ARMCX4: variants seen among roughly 807,000 people sequenced by gnomAD.
ARMCX4 encodes armadillo repeat containing X-linked 4, also known as armadillo repeat-containing X-linked protein 4.
In ARMCX4, 3 loss-of-function variants were observed where a neutral mutation model predicts 34.7. The ratio of observed to expected loss-of-function variants is 0.09; its 90% CI spans 0.04 to 0.22. The LOEUF (loss-of-function observed/expected upper bound fraction) is 0.22. Among genes scored for constraint, ARMCX4 ranks in the 10% least tolerant of loss-of-function variants. The probability of loss-of-function intolerance (pLI) is 1.00; values close to 1 mark genes in which losing one functional copy is unlikely to be tolerated. For missense variants in ARMCX4, 1,448 were observed against 1,720.8 expected (o/e 0.84, Z 2.81); for synonymous variants, 513 against 632.8 (o/e 0.81, Z 2.84).
rs1556008463 is a variant in ARMCX4 at position 101,490,466 on chromosome X, A to T, written c.1877A>T (p.Asp626Val). 10 of 1,151,505 alleles carry T rather than the reference A, an allele frequency of 8.7e-6. No individual in the cohort carries two copies. The South Asian group carries it at 1.7e-4, about 20-fold the overall frequency. 94.9% of individuals were successfully genotyped at this position (1,151,505 alleles called of 1,213,427 possible). A position where few individuals can be genotyped will look rare whatever the true frequency, so the allele number is the denominator to read the frequency against. ...GTGGGGGCTGGAGAAGGTACAACAG[A>T]CTCTGCCCAGCCTGAGGCAGTGGTC... The part of the protein sequence containing the change: ...LKVGAGEGTT[D>V]SAQPEAVVSF... The change falls in exon 6 of 6, where the codon GAC (aspartate) becomes GTC (valine). Residue 626 changes from aspartate (D) to valine (V), a missense_variant. Asp to Val is a radical substitution (Grantham distance 152). Coordinates refer to ENST00000423738, the MANE Select transcript of ARMCX4 (RefSeq NM_001256155.3).
chrX:101,524,829 G>A (rs1197427529), intron 11 of ARMCX4, among the ~76,000 whole-genome samples: 4 of 111,874 alleles, frequency 3.6e-5, no homozygotes, highest in Admixed American at 9.4e-5. Flanking sequence ...ACAGCTCAAC[G>A]AGACCTGCCT....
At chrX:101,531,767 A>G (rs781857183) in exon 12 of ARMCX4, 1 of 112,070 alleles carries the variant, frequency 8.9e-6, no homozygotes, top group East Asian at 2.8e-4. Context: ...ATGAGCCTTT[A>G]TAAGACACCA....
chrX:101,477,550 A>G (rs1399279187), intron 4 of ARMCX4, among the ~76,000 whole-genome samples: 1 of 108,738 alleles, frequency 9.2e-6, no homozygotes, highest in African/African-American at 3.3e-5. Context: ...TTCTTCCCCA[A>G]GCCTTTAAGG....
intron 2 of ARMCX4, among the ~76,000 whole-genome samples, chrX:101,440,317 T>C (rs1165177559): frequency 8.9e-6 from 1 of 111,759 alleles, no homozygotes; most frequent in Non-Finnish European, 1.9e-5. Flanking sequence ...CAAATGCTGC[T>C]GCCTGATCGT....
intron 4 of ARMCX4, among the ~76,000 whole-genome samples, chrX:101,474,946 G>A (rs1345768369): frequency 1.0e-5 from 1 of 99,206 alleles, no homozygotes; most frequent in Non-Finnish European, 2.0e-5. Context: ...CATAGTGTTG[G>A]AAGTTCTGGC....
chrX:101,448,091 G>A (rs1202825443), downstream of ARMCX4, among the ~76,000 whole-genome samples: 1 of 111,404 alleles, frequency 9.0e-6, no homozygotes, highest in East Asian at 2.8e-4. Flanking sequence ...GAGAACATGC[G>A]ATATTTGTTT....
At position 101,494,618 on chromosome X, in the gene ARMCX4, C is replaced by T. The variant is rs1934135497; in HGVS notation, c.6029C>T (p.Pro2010Leu). The T allele has an allele frequency of 3.5e-6, 4 of 1,155,581 alleles. No homozygotes were observed. The South Asian group carries it at 7.6e-5, about 22-fold the overall frequency. The change falls in exon 6 of 6, where the codon CCA (proline) becomes CTA (leucine). Residue 2010 changes from proline to leucine, a missense_variant. Physicochemically the swap from Pro to Leu is moderately conservative, Grantham distance 98 (BLOSUM62 -3). Transcript: ENST00000423738. ...KFAHQSEASF[P>L]VEDESRKQTR... ...GCACACCAAAGTGAGGCCAGCTTCC[C>T]AGTTGAAGATGAGTCCAGAAAACAA...
chrX:101,482,917 A>G (rs1407709618), upstream of ARMCX4, among the ~76,000 whole-genome samples: 4 of 33,985 alleles, frequency 1.2e-4, no homozygotes, highest in African/African-American at 4.7e-4. Flanking sequence ...TTTTTTTTTG[A>G]CAGAGTCTCA....
At chrX:101,519,433 A>G (rs782468555) in intron 11 of ARMCX4, among the ~76,000 whole-genome samples, 1 of 111,494 alleles carries the variant, frequency 9.0e-6, no homozygotes, top group Non-Finnish European at 1.9e-5. Context: ...CCCTTCTGTG[A>G]CTGGCTTATT....
chrX:101,494,282 T>A lies in ARMCX4; in HGVS notation c.5693T>A (p.Ile1898Asn). The change falls in exon 6 of 6, where the codon ATC becomes AAC. Residue 1898 changes from isoleucine to asparagine, a missense_variant. Ile to Asn is a moderately radical substitution (Grantham distance 149). Transcript: ENST00000423738. ...GAGTCCAGCCCTGATATTGAGGAGA[T>A]CAGTTTAAGGTCTTTGTTTTGGGCT... is the stretch of plus-strand genomic sequence containing the variant. Reference protein sequence around the residue: ...SRESSPDIEEISLRSLFWAES... With the variant: ...SRESSPDIEENSLRSLFWAES... The A allele has an allele frequency of 8.7e-7, 1 of 1,154,554 alleles. No homozygotes were observed. The highest frequency in any genetic ancestry group is 3.3e-5 in the East Asian group (1 of 30,739).
At chrX:101,508,039 C>T (rs782560948) in intron 8 of ARMCX4, among the ~76,000 whole-genome samples, 10 of 112,149 alleles carry the variant, frequency 8.9e-5, no homozygotes, top group Non-Finnish European at 1.5e-4. Context: ...GTAACAATTG[C>T]TAACAGTATT....
At chrX:101,514,375 A>C (rs781926242) in intron 11 of ARMCX4, among the ~76,000 whole-genome samples, 4 of 111,546 alleles carry the variant, frequency 3.6e-5, no homozygotes. Flanking sequence ...TTCCTGGAGA[A>C]CATTACTCCT....
At chrX:101,471,799 C>T (rs1402742706) in intron 4 of ARMCX4, among the ~76,000 whole-genome samples, 1 of 111,085 alleles carries the variant, frequency 9.0e-6, no homozygotes, top group African/African-American at 3.3e-5. Flanking sequence ...CACCAAAAAC[C>T]CATCTGTACA....
At chrX:101,515,442 C>CCCTCCCTCT in intron 11 of ARMCX4, among the ~76,000 whole-genome samples, 1 of 31,149 alleles carries the variant, frequency 3.2e-5, no homozygotes, top group African/African-American at 1.6e-4. Flanking sequence ...TTCCTTCCTT[C>CCCTCCCTCT]CTTCCTTCCT....
Position 101,489,572 on chromosome X carries a change from C to T in ARMCX4, c.983C>T (p.Thr328Ile), listed in dbSNP as rs1379473436. The T allele has an allele frequency of 7.8e-6, 9 of 1,154,868 alleles. No homozygotes were observed. In the Admixed American group the frequency reaches 2.3e-4, roughly 30 times the overall value. ...ASAQPQIFAK[T>I]QTEAIPGAKI... ...GCTCAGCCTCAAATTTTTGCCAAAACCCAGACTGAGGCCATTCCTGGGGCA... is the reference window on the plus strand; with the variant it reads ...GCTCAGCCTCAAATTTTTGCCAAAATCCAGACTGAGGCCATTCCTGGGGCA... Residue 328 changes from threonine to isoleucine, a missense_variant, in exon 6 of 6, where the codon ACC (threonine) becomes ATC (isoleucine). Transcript: ENST00000423738.
intron 2 of ARMCX4, among the ~76,000 whole-genome samples, chrX:101,438,661 G>T (rs1036685982): frequency 8.1e-5 from 9 of 111,454 alleles, no homozygotes; most frequent in African/African-American, 3.3e-5. Context: ...CTCCTGTATT[G>T]GGTGCATATA....
downstream of ARMCX4, among the ~76,000 whole-genome samples, chrX:101,500,288 A>T (rs2147686474): frequency 9.0e-6 from 1 of 111,319 alleles, no homozygotes; most frequent in South Asian, 3.9e-4. Context: ...ATTGGAATAG[A>T]CATAGTTGGT....
chrX:101,521,341 T>G (rs1423424168), intron 11 of ARMCX4, among the ~76,000 whole-genome samples: 2 of 111,886 alleles, frequency 1.8e-5, no homozygotes, highest in Admixed American at 9.5e-5. Flanking sequence ...ATATCTAATT[T>G]GTTGGCATAC....
chrX:101,460,121 T>G (rs952652239), intron 4 of ARMCX4, among the ~76,000 whole-genome samples: 20 of 112,779 alleles, frequency 1.8e-4, no homozygotes, highest in African/African-American at 6.1e-4. Flanking sequence ...CATTTATTCT[T>G]TACAAGGTAC....
Sources: gnomAD v4.1 joint callset for allele counts (sites outside exome capture counted in the v4.1 genomes callset) on GRCh38, gnomAD v4.1.1 for gene constraint, MANE v1.5 for transcripts, NCBI Gene and HGNC (gene_info 2026-07-23, HGNC 2026-07-21) for gene names.